The following FALEC variants were observed in gnomAD, a reference collection of about 807,000 sequenced individuals.
The protein encoded by FALEC is focally amplified lncRNA regulator of ECM1, also known as focally amplified lncRNA on chromosome 1.
At chr1:150,531,028 A>C in the FALEC span, among the ~76,000 whole-genome samples, 1 of 152,190 alleles carries the variant, frequency 6.6e-6, no homozygotes, top group Admixed American at 6.5e-5. Flanking sequence ...CCATCTTTGC[A>C]CAGAGAATAC....
At chr1:150,523,011 T>C (rs1391693671), downstream of FALEC, among the ~76,000 whole-genome samples, 1 of 105,144 alleles carries the variant, frequency 9.5e-6, no homozygotes, top group Non-Finnish European at 1.8e-5. Flanking sequence ...TGAGACAGAG[T>C]CTTGCTCTGT....
At chr1:150,526,433 A>C in the FALEC span, among the ~76,000 whole-genome samples, 1 of 151,374 alleles carries the variant, frequency 6.6e-6, no homozygotes, top group South Asian at 2.1e-4. Context: ...TCCTGGGCTC[A>C]AGTGATCCAC....
chr1:150,529,600 A>ATTT, the FALEC span, among the ~76,000 whole-genome samples: 1 of 142,628 alleles, frequency 7.0e-6, no homozygotes, highest in Non-Finnish European at 1.5e-5. Context: ...GGGATCTGTG[A>ATTT]TTTTTTTTTT....
chr1:150,532,142 C>A, the FALEC span, among the ~76,000 whole-genome samples: 1 of 152,180 alleles, frequency 6.6e-6, no homozygotes, highest in African/African-American at 2.4e-5. Context: ...CTCCTGACCT[C>A]CTGATCCACC....
chr1:150,529,016 CA>C, the FALEC span, among the ~76,000 whole-genome samples: 453 of 59,282 alleles, frequency 7.6e-3, 1 homozygote, highest in Middle Eastern at 0.015. Flanking sequence ...AAATAAATAG[CA>C]AAAAAAAAAA....
At chr1:150,531,798 C>T in the FALEC span, among the ~76,000 whole-genome samples, 3 of 152,336 alleles carry the variant, frequency 2.0e-5, no homozygotes, top group South Asian at 2.1e-4. Flanking sequence ...AGCCCATGCA[C>T]GGGCAGCTTC....
At chr1:150,518,372 C>T (rs1670597162), downstream of FALEC, among the ~76,000 whole-genome samples, 1 of 148,458 alleles carries the variant, frequency 6.7e-6, no homozygotes, top group Non-Finnish European at 1.5e-5. Context: ...TCTAATCAGT[C>T]GCCAAGTCTC....
the FALEC span, among the ~76,000 whole-genome samples, chr1:150,533,230 C>T: frequency 6.6e-6 from 1 of 152,022 alleles, no homozygotes; most frequent in Non-Finnish European, 1.5e-5. Context: ...TGCCAAGCTC[C>T]TGTCAGGATT....
At chr1:150,523,641 G>A in the FALEC span, among the ~76,000 whole-genome samples, 2 of 141,630 alleles carry the variant, frequency 1.4e-5, no homozygotes, top group African/African-American at 5.2e-5. Context: ...GTAACAGAGC[G>A]AGACTCCGTC....
downstream of FALEC, among the ~76,000 whole-genome samples, chr1:150,519,735 T>C (rs963009728): frequency 6.6e-6 from 1 of 152,076 alleles, no homozygotes; most frequent in Non-Finnish European, 1.5e-5. Context: ...TGGGCGCCTG[T>C]AATCCCAGCT....
At chr1:150,519,544 A>C (rs1197870756), downstream of FALEC, among the ~76,000 whole-genome samples, 3 of 151,858 alleles carry the variant, frequency 2.0e-5, no homozygotes, top group African/African-American at 7.3e-5. Flanking sequence ...AACATGGAGA[A>C]ACCCCATCTC....
the FALEC span, among the ~76,000 whole-genome samples, chr1:150,527,406 C>T: frequency 3.3e-5 from 5 of 149,380 alleles, no homozygotes. Context: ...TTACAGGTGC[C>T]CACCACCACG....
At chr1:150,533,727 G>A in the FALEC span, among the ~76,000 whole-genome samples, 3 of 152,002 alleles carry the variant, frequency 2.0e-5, no homozygotes, top group Non-Finnish European at 2.9e-5. Flanking sequence ...ATGAGCCACC[G>A]TGCCCAGCCT....
At chr1:150,516,210 C>A (rs947456239) in intron 1 of FALEC, 6 of 152,212 alleles carry the variant, frequency 3.9e-5, no homozygotes, top group Non-Finnish European at 7.3e-5. Flanking sequence ...ATCGCGCCAC[C>A]GCACTCCAGC....
intron 1 of FALEC, among the ~76,000 whole-genome samples, chr1:150,516,503 C>T (rs777281829): frequency 1.3e-5 from 2 of 152,352 alleles, no homozygotes; most frequent in African/African-American, 4.8e-5. Flanking sequence ...TTAAAGAATT[C>T]TCCCTAGGGA....
At chr1:150,535,420 T>C in the FALEC span, among the ~76,000 whole-genome samples, 61 of 152,288 alleles carry the variant, frequency 4.0e-4, no homozygotes, top group African/African-American at 1.4e-3. Flanking sequence ...ATTTTTGTAT[T>C]TTTAGTGGAG....
At chr1:150,533,541 T>C in the FALEC span, among the ~76,000 whole-genome samples, 3 of 150,428 alleles carry the variant, frequency 2.0e-5, no homozygotes, top group African/African-American at 7.4e-5. Flanking sequence ...GTTCAAGTGA[T>C]TCTCCTACCT....
the FALEC span, among the ~76,000 whole-genome samples, chr1:150,535,827 G>T: frequency 6.6e-6 from 1 of 152,138 alleles, no homozygotes; most frequent in African/African-American, 2.4e-5. Flanking sequence ...TCCTACCTTC[G>T]GTCCAGCAAC....
the FALEC span, among the ~76,000 whole-genome samples, chr1:150,534,631 C>G: frequency 3.3e-5 from 5 of 152,016 alleles, no homozygotes; most frequent in African/African-American, 7.2e-5. Context: ...ATCATGAGGT[C>G]AGGAAATCGA....
Sources: allele counts gnomAD v4.1 joint callset (sites outside exome capture counted in the v4.1 genomes callset), GRCh38; gene constraint gnomAD v4.1.1; transcripts MANE v1.5; gene names NCBI Gene and HGNC (gene_info 2026-07-23, HGNC 2026-07-21).